AGK: variants seen among roughly 807,000 people sequenced by gnomAD.
The protein encoded by AGK is acylglycerol kinase.
Under a neutral mutation model 66.4 loss-of-function variants are expected in AGK, and 52 were observed. The ratio of observed to expected loss-of-function variants is 0.78; its 90% confidence interval spans 0.63 to 0.99. The LOEUF (loss-of-function observed/expected upper bound fraction) is 0.99, where lower values mean the gene tolerates loss of function less well. Ranked by LOEUF, AGK falls within the 50% of genes least tolerant of loss-of-function variation. The pLI is 0.00. For missense variants in AGK, 451 were observed against 506.6 expected, an observed-to-expected ratio of 0.89 and a Z score of 1.05; for synonymous variants, 182 against 181.1, an observed-to-expected ratio of 1.00 and a Z score of -0.04.
chr7:141,562,989 T>G (rs1795382602), intron 2 of AGK, among the ~76,000 whole-genome samples: 1 of 152,246 alleles, frequency 6.6e-6, no homozygotes, highest in South Asian at 2.1e-4. Flanking sequence ...TAAATCCTTC[T>G]CCTATGATCT....
At position 141,614,164 on chromosome 7, in the gene AGK, C is replaced by G; in HGVS notation, c.409C>G (p.Arg137Gly). The G allele has an allele frequency of 6.5e-7, 1 of 1,536,662 alleles. No individual in the cohort carries two copies. The highest frequency in any genetic ancestry group is 2.4e-5 in the East Asian group (1 of 41,486). ...TTTGTAGGTTGTTACTGGTGTTCTT[C>G]GACGAACAGATGAGGTGAGCATTAA... ...TLQEVVTGVL[R>G]RTDEATFSKI... The change falls in exon 7 of 16, where the codon CGA (arginine) becomes GGA (glycine). Residue 137 changes from arginine (R) to glycine (G), a missense_variant. Coordinates refer to ENST00000649286, the MANE Select transcript of AGK (RefSeq NM_018238.4).
chr7:141,554,508 G>T lies in AGK; in HGVS notation c.-14-945G>T, dbSNP rs945306298. Among the ~76,000 whole-genome samples the T allele has an allele frequency of 3.4e-4, 51 of 151,692 alleles. 1 individual carries two copies. Among genetic ancestry groups the T allele is most frequent in the Non-Finnish European group, 4.4e-5 (3 of 67,956 alleles). On this transcript the variant is annotated intron_variant, in intron 1 of 15. Coordinates refer to ENST00000649286, the MANE Select transcript of AGK (RefSeq NM_018238.4). ...TTTTTCCCCCATCAGTAAAAATTTT[G>T]GGTAAAAAAATATTTAATTGCTATT...
Position 141,634,830 on chromosome 7 carries a change from C to CTT in AGK, c.668+864_668+865dup, listed in dbSNP as rs57395722. On this transcript the variant is annotated intron_variant, in intron 10 of 15. Coordinates refer to ENST00000649286, the MANE Select transcript of AGK (RefSeq NM_018238.4). ...TCACTTAATAGGCCAGCCTGCCATGCTTTTTTTTTTTTTTTAACAGAAATT... is the reference window on the plus strand; with the variant it reads ...TCACTTAATAGGCCAGCCTGCCATGCTTTTTTTTTTTTTTTTTAACAGAAATT... 2.8e-3 allele frequency among the ~76,000 whole-genome samples: 385 copies of CTT among 136,976 alleles called. 2 individuals carry two copies. Among genetic ancestry groups the CTT allele is most frequent in the Middle Eastern group, 0.024 (6 of 246 alleles). 89.9% of individuals were successfully genotyped at this position (136,976 alleles called of 152,430 possible).
chr7:141,644,859 G>C (rs1277051230), intron 13 of AGK, among the ~76,000 whole-genome samples: 1 of 151,946 alleles, frequency 6.6e-6, no homozygotes, highest in East Asian at 1.9e-4. Flanking sequence ...TTCCCCCATT[G>C]ATCTTCAATA....
At chr7:141,552,013 A>G (rs1795101123) in intron 1 of AGK, among the ~76,000 whole-genome samples, 1 of 152,194 alleles carries the variant, frequency 6.6e-6, no homozygotes, top group South Asian at 2.1e-4. Context: ...TGAAATCACT[A>G]TTCAACCAGT....
intron 5 of AGK, among the ~76,000 whole-genome samples, chr7:141,609,959 G>A (rs1361284323): frequency 1.3e-5 from 2 of 151,724 alleles, no homozygotes; most frequent in Admixed American, 1.3e-4. Flanking sequence ...ACGTATGTAT[G>A]GGTTTTTTTT....
chr7:141,592,736 C>T (rs1318880303), intron 2 of AGK, among the ~76,000 whole-genome samples: 2 of 151,920 alleles, frequency 1.3e-5, no homozygotes, highest in Admixed American at 1.3e-4. Flanking sequence ...CAGAGTCTCG[C>T]TCTGTCGCCC....
At chr7:141,640,948 G>A (rs1175937779) in intron 11 of AGK, among the ~76,000 whole-genome samples, 2 of 152,100 alleles carry the variant, frequency 1.3e-5, no homozygotes, top group Admixed American at 6.5e-5. Context: ...AATTTATTAC[G>A]GATGACCCTA....
At chr7:141,619,606 A>G (rs1305515854) in intron 8 of AGK, among the ~76,000 whole-genome samples, 1 of 152,142 alleles carries the variant, frequency 6.6e-6, no homozygotes, top group Non-Finnish European at 1.5e-5. Context: ...ATCTTTAGTC[A>G]TTAGAGAAAT....
chr7:141,636,912 T>C (rs781650565), intron 10 of AGK, 48 bp from the exon 11 acceptor site: 11 of 1,454,334 alleles, frequency 7.6e-6, no homozygotes, highest in Non-Finnish European at 9.6e-6. Flanking sequence ...TATCACATGA[T>C]AGTTCTTTTG....
intron 2 of AGK, among the ~76,000 whole-genome samples, chr7:141,572,984 C>CT (rs1458612037): frequency 6.6e-6 from 1 of 152,234 alleles, no homozygotes; most frequent in Non-Finnish European, 1.5e-5. Context: ...AGATTAGACT[C>CT]TGACTTTGCA....
At chr7:141,599,460 G>GA in intron 4 of AGK, among the ~76,000 whole-genome samples, 1 of 152,012 alleles carries the variant, frequency 6.6e-6, no homozygotes, top group African/African-American at 2.4e-5. Context: ...AAATTAGAAG[G>GA]AAAAAAGTCT....
rs1795184447 is a variant in AGK at position 141,555,331 on chromosome 7, GGAGT to G, written c.-14-116_-14-113del. On this transcript the variant is annotated intron_variant, in intron 1 of 15. Transcript: ENST00000649286. The surrounding 1 kb of genome is among the most constrained non-coding windows in gnomAD (Gnocchi z 4.2). ...AGAGGAGAAGTGGTAAGGAGGAAGA[GGAGT>G]GAGTGGGAAAAAAAGGAGTGAGAGA... 3.3e-6 allele frequency: 2 copies of G among 609,302 alleles called. No homozygotes were observed. Among genetic ancestry groups the G allele is most frequent in the African/African-American group, 3.8e-5 (2 of 52,984 alleles). The allele number at this position is 609,302 out of a possible 1,614,324, so 37.7% of individuals were successfully genotyped here.
intron 2 of AGK, among the ~76,000 whole-genome samples, chr7:141,559,120 G>C (rs890692003): frequency 6.6e-6 from 1 of 151,864 alleles, no homozygotes; most frequent in Admixed American, 6.6e-5. Flanking sequence ...TTTTAGTTTC[G>C]TTAAGGCCCA....
intron 2 of AGK, among the ~76,000 whole-genome samples, chr7:141,572,807 G>T (rs545031085): frequency 2.6e-5 from 4 of 152,268 alleles, no homozygotes; most frequent in East Asian, 1.9e-4. Context: ...AGGCTATGGG[G>T]GGGGGAAATG....
chr7:141,552,877 A>G (rs1795127039), intron 1 of AGK, among the ~76,000 whole-genome samples: 1 of 152,164 alleles, frequency 6.6e-6, no homozygotes, highest in Non-Finnish European at 1.5e-5. Context: ...CCAGCGTATT[A>G]CTGTTAGATC....
At chr7:141,580,315 T>C (rs982493570) in intron 2 of AGK, among the ~76,000 whole-genome samples, 3 of 151,938 alleles carry the variant, frequency 2.0e-5, no homozygotes, top group African/African-American at 7.3e-5. Flanking sequence ...TACTATAGCA[T>C]AGCCTGCCTT....
intron 9 of AGK, among the ~76,000 whole-genome samples, chr7:141,632,875 C>A (rs564186445): frequency 1.3e-5 from 2 of 152,186 alleles, no homozygotes; most frequent in Non-Finnish European, 2.9e-5. Context: ...TTTGATTCTC[C>A]TAGAAATTTC....
Position 141,610,025 on chromosome 7 carries a change from G to T in AGK, c.298-1170G>T, listed in dbSNP as rs184997733. Among the ~76,000 whole-genome samples, 326 of 151,426 alleles carry T rather than the reference G, an allele frequency of 2.2e-3. 3 individuals are homozygous for T. The highest frequency in any genetic ancestry group is 7.2e-3 in the African/African-American group (297 of 41,234). ...GCTCTGTCGCCCAGGCTGGAGTGCA[G>T]TGGTGCAATCTCAGTTCACTGCAAC... On this transcript the variant is annotated intron_variant, in intron 5 of 15. Transcript: ENST00000649286.
Sources: allele counts gnomAD v4.1 joint callset (sites outside exome capture counted in the v4.1 genomes callset), GRCh38; gene constraint gnomAD v4.1.1; non-coding constraint Gnocchi (gnomAD v3.1); transcripts MANE v1.5; gene names NCBI Gene and HGNC (gene_info 2026-07-23, HGNC 2026-07-21).